PRELID2: variants seen among roughly 807,000 people sequenced by gnomAD.
PRELID2 encodes the protein PRELI domain containing 2.
In PRELID2, 25 loss-of-function variants were observed where a neutral mutation model predicts 28.4. The ratio of observed to expected loss-of-function variants is 0.88; its 90% CI spans 0.64 to 1.23. The LOEUF (loss-of-function observed/expected upper bound fraction) is 1.23, where lower values mean the gene tolerates loss of function less well. PRELID2 is among the 50% of genes most tolerant of loss of function. The pLI is 0.00. For synonymous variants in PRELID2, 76 were observed against 71.6 expected (o/e 1.06, Z -0.31); for missense variants, 201 against 214.4 (o/e 0.94, Z 0.39).
At chr5:145,295,544 A>T in the PRELID2 span, among the ~76,000 whole-genome samples, 2 of 152,162 alleles carry the variant, frequency 1.3e-5, no homozygotes, top group East Asian at 3.8e-4. Context: ...TATAGTACAG[A>T]ACACAAGGCA....
chr5:145,313,796 A>T, the PRELID2 span, among the ~76,000 whole-genome samples: 214 of 152,310 alleles, frequency 1.4e-3, 2 homozygotes, highest in African/African-American at 3.5e-3. Flanking sequence ...CAGTTTACAA[A>T]CTGAGAAAAG....
chr5:145,591,121 C>A (rs543961462), intron 1 of PRELID2, among the ~76,000 whole-genome samples: 3 of 150,192 alleles, frequency 2.0e-5, no homozygotes, highest in East Asian at 3.9e-4. Context: ...CATGGCGAGA[C>A]CCTGTCTCTA....
At chr5:145,673,803 A>C (rs1242574576) in intron 1 of PRELID2, among the ~76,000 whole-genome samples, 1 of 152,194 alleles carries the variant, frequency 6.6e-6, no homozygotes. Flanking sequence ...GTTTACAAGG[A>C]CAATAACTAT....
chr5:145,625,983 A>G (rs1753839484), intron 1 of PRELID2, among the ~76,000 whole-genome samples: 1 of 152,208 alleles, frequency 6.6e-6, no homozygotes, highest in Non-Finnish European at 1.5e-5. Context: ...CCATATGCAG[A>G]AGATTGAAAC....
intron 1 of PRELID2, among the ~76,000 whole-genome samples, chr5:145,604,468 A>G (rs1179951121): frequency 1.3e-5 from 2 of 152,030 alleles, no homozygotes; most frequent in Non-Finnish European, 2.9e-5. Context: ...CATTTTCTTT[A>G]TCCAGTCTAT....
the PRELID2 span, among the ~76,000 whole-genome samples, chr5:145,259,171 G>A: frequency 6.6e-6 from 1 of 152,232 alleles, no homozygotes; most frequent in African/African-American, 2.4e-5. Flanking sequence ...TGGGTGCCCA[G>A]GCAGAAGCCT....
chr5:145,248,947 G>A, the PRELID2 span, among the ~76,000 whole-genome samples: 1 of 152,096 alleles, frequency 6.6e-6, no homozygotes, highest in Non-Finnish European at 1.5e-5. Context: ...AAAATTTTCA[G>A]TGCCAGCCTA....
the PRELID2 span, among the ~76,000 whole-genome samples, chr5:145,340,691 G>A: frequency 2.6e-5 from 4 of 151,192 alleles, no homozygotes; most frequent in African/African-American, 4.9e-5. Context: ...CACTTGAGCC[G>A]GGGATGCAGA....
chr5:145,324,279 C>T, the PRELID2 span, among the ~76,000 whole-genome samples: 5 of 152,122 alleles, frequency 3.3e-5, no homozygotes, highest in Admixed American at 6.5e-5. Flanking sequence ...AACTCCCAGC[C>T]TAGCCTGGGA....
At chr5:145,515,451 C>T (rs112374396) in intron 1 of PRELID2, among the ~76,000 whole-genome samples, 6 of 152,188 alleles carry the variant, frequency 3.9e-5, no homozygotes, top group Non-Finnish European at 8.8e-5. Context: ...AGGAAAAAGT[C>T]AAATCCCTGA....
chr5:145,483,302 T>TACA (rs1017206848), intron 1 of PRELID2, among the ~76,000 whole-genome samples: 95 of 152,270 alleles, frequency 6.2e-4, no homozygotes, highest in African/African-American at 2.2e-3. Flanking sequence ...GAGCCTACAT[T>TACA]ACAAATAGCA....
the PRELID2 span, among the ~76,000 whole-genome samples, chr5:145,438,446 T>C: frequency 2.4e-3 from 368 of 152,186 alleles, 2 homozygotes; most frequent in African/African-American, 8.4e-3. Flanking sequence ...TTAACCTCTT[T>C]TCCCACTCCA....
intron 1 of PRELID2, among the ~76,000 whole-genome samples, chr5:145,550,114 G>A (rs1752822034): frequency 6.6e-6 from 1 of 152,150 alleles, no homozygotes; most frequent in African/African-American, 2.4e-5. Context: ...ACATATTAAA[G>A]ATAATGGGAG....
chr5:145,691,487 C>T (rs374473843), intron 1 of PRELID2, among the ~76,000 whole-genome samples: 57 of 152,128 alleles, frequency 3.7e-4, no homozygotes, highest in African/African-American at 1.3e-3. Context: ...AGGGGGATCA[C>T]GAGGTCAGGA....
At chr5:145,369,959 G>GT in the PRELID2 span, among the ~76,000 whole-genome samples, 11 of 140,748 alleles carry the variant, frequency 7.8e-5, no homozygotes, top group Admixed American at 1.4e-4. Context: ...CGTTTTAATG[G>GT]GTTTTTTTTT....
At chr5:145,286,690 A>G in the PRELID2 span, among the ~76,000 whole-genome samples, 11 of 149,848 alleles carry the variant, frequency 7.3e-5, no homozygotes, top group Admixed American at 6.6e-5. Context: ...GACTGCCAAC[A>G]TAGAAGTTTT....
chr5:145,617,650 G>A (rs62394214), intron 1 of PRELID2, among the ~76,000 whole-genome samples: 5,177 of 151,642 alleles, frequency 0.034, 178 homozygotes, highest in African/African-American at 0.082. Context: ...TAATTCTATC[G>A]ATGAGATTTT....
chr5:145,461,584 G>A, the PRELID2 span, among the ~76,000 whole-genome samples: 1 of 152,204 alleles, frequency 6.6e-6, no homozygotes, highest in Non-Finnish European at 1.5e-5. Context: ...TTATAGGCGT[G>A]AGCCATCGTG....
intron 1 of PRELID2, among the ~76,000 whole-genome samples, chr5:145,496,895 C>T (rs777657240): frequency 1.3e-5 from 2 of 152,108 alleles, no homozygotes; most frequent in East Asian, 1.9e-4. Flanking sequence ...CAGGGCCTCA[C>T]TCTGTTGCCT....
Sources: allele counts gnomAD v4.1 joint callset (sites outside exome capture counted in the v4.1 genomes callset), GRCh38; gene constraint gnomAD v4.1.1; transcripts MANE v1.5; gene names NCBI Gene and HGNC (gene_info 2026-07-23, HGNC 2026-07-21).